SDHAF2: variants seen among roughly 807,000 people sequenced by gnomAD.
SDHAF2 encodes succinate dehydrogenase assembly factor 2, mitochondrial.
A neutral mutation model predicts 18.5 loss-of-function variants in SDHAF2; 21 were observed. The ratio of observed to expected loss-of-function variants is 1.13; its 90% CI spans 0.80 to 1.63. The LOEUF is 1.63. Among genes scored for constraint, SDHAF2 ranks in the 40% most tolerant of loss-of-function variants. SDHAF2 has a pLI of 0.00. For synonymous variants in SDHAF2, 84 were observed against 70.7 expected (o/e 1.19, Z -0.94); for missense variants, 195 against 200.3 (o/e 0.97, Z 0.16).
At chr11:61,433,775 T>A (rs1306708337) in intron 1 of SDHAF2, 1 of 152,250 alleles carries the variant, frequency 6.6e-6, no homozygotes. Flanking sequence ...AGAAATTAAT[T>A]TTCTCATAGT....
At chr11:61,437,973 C>T (rs368333259) in intron 2 of SDHAF2, 31 bp from the exon 3 acceptor site, 12 of 1,602,626 alleles carry the variant, frequency 7.5e-6, no homozygotes, top group African/African-American at 1.3e-5. Context: ...CCTTCTCAAC[C>T]TCTTTTTCTT....
Position 61,446,438 on chromosome 11 carries a change from G to C in SDHAF2, c.*367G>C, listed in dbSNP as rs976313802. On this transcript the variant is annotated 3_prime_UTR_variant, in exon 4 of 4. Coordinates refer to ENST00000301761, the MANE Select transcript of SDHAF2 (RefSeq NM_017841.4). ...TCAAAGAAAAGAGGCAGCCAGCTGT[G>C]CGTGCTGTATGGAAAGCCTCCCGCC... 1 of 570,422 alleles carries C rather than the reference G, an allele frequency of 1.8e-6. No individual in the cohort carries two copies. Among genetic ancestry groups the C allele is most frequent in the Non-Finnish European group, 3.1e-6 (1 of 322,794 alleles). 35.3% of individuals were successfully genotyped at this position (570,422 alleles called of 1,614,324 possible).
chr11:61,446,227 T>A lies in SDHAF2; in HGVS notation c.*156T>A. 1 of 777,442 alleles carries A rather than the reference T, an allele frequency of 1.3e-6. No homozygotes were observed. Among genetic ancestry groups the A allele is most frequent in the Non-Finnish European group, 2.2e-6 (1 of 446,706 alleles). The allele number at this position is 777,442 out of a possible 1,614,324, so 48.2% of individuals were successfully genotyped here. On this transcript the variant is annotated 3_prime_UTR_variant, in exon 4 of 4. Transcript: ENST00000301761. The stretch of plus-strand genomic sequence containing the variant: ...ATGGACATAACCCTCTCCTAGGACA[T>A]ACATGTAAATGCACAATGTGACTCA...
intron 3 of SDHAF2, among the ~76,000 whole-genome samples, chr11:61,442,661 A>G (rs778504285): frequency 5.3e-5 from 8 of 151,966 alleles, no homozygotes; most frequent in Non-Finnish European, 8.8e-5. Flanking sequence ...CCCTTCAGCT[A>G]TTTCTTCTGC....
chr11:61,436,967 G>A, intron 1 of SDHAF2: 1 of 1,242,896 alleles, frequency 8.0e-7, no homozygotes, highest in South Asian at 1.4e-5. Context: ...ACAGGTGAGT[G>A]AGTAGAGTAT....
At chr11:61,435,118 G>A (rs555962898) in intron 1 of SDHAF2, 1 of 152,190 alleles carries the variant, frequency 6.6e-6, no homozygotes, top group Non-Finnish European at 1.5e-5. Context: ...CTGAGCTCAA[G>A]CGATCCTCCA....
intron 1 of SDHAF2, chr11:61,435,717 T>A (rs1861983943): frequency 6.6e-6 from 1 of 152,222 alleles, no homozygotes; most frequent in Non-Finnish European, 1.5e-5. Context: ...CTGGAGCTGC[T>A]ACAAGTCTCC....
intron 1 of SDHAF2, 160 bp downstream of exon 1, chr11:61,430,342 G>A (rs1038846613): frequency 1.8e-5 from 15 of 844,482 alleles, no homozygotes; most frequent in African/African-American, 3.4e-5. Flanking sequence ...GGAAATAAAG[G>A]TCGCTTCCAT....
chr11:61,441,618 G>A (rs1014676746), intron 3 of SDHAF2, among the ~76,000 whole-genome samples: 9 of 152,042 alleles, frequency 5.9e-5, no homozygotes, highest in Non-Finnish European at 1.3e-4. Context: ...TCTGAAAAAG[G>A]CAAAACTTAC....
At position 61,437,642 on chromosome 11, in the gene SDHAF2, G is replaced by A. The variant is rs1590764725; in HGVS notation, c.54G>A (p.Arg18=). The change falls in exon 2 of 4, where the codon AGG becomes AGA. Residue 18 remains arginine (R), a synonymous_variant. Coordinates refer to ENST00000301761, the MANE Select transcript of SDHAF2 (RefSeq NM_017841.4). ...CATTTCAGATGCTTGCTCTGTCAAG[G>A]CACAGCCTATTGTCTCCTTTGCTCA... ...STSSLMLALS[R]HSLLSPLLSV... 1.2e-6 allele frequency: 2 copies of A among 1,613,898 alleles called. No individual in the cohort carries two copies. The highest frequency in any genetic ancestry group is 1.1e-5 in the South Asian group (1 of 91,076).
At chr11:61,435,642 T>G (rs1199899432) in intron 1 of SDHAF2, 1 of 152,190 alleles carries the variant, frequency 6.6e-6, no homozygotes, top group Non-Finnish European at 1.5e-5. Context: ...ATTTGCCGGT[T>G]TCCTTTTTCA....
intron 3 of SDHAF2, among the ~76,000 whole-genome samples, chr11:61,442,814 C>T (rs553132500): frequency 6.6e-6 from 1 of 152,116 alleles, no homozygotes; most frequent in Admixed American, 6.5e-5. Context: ...AGAGCAGTGG[C>T]GCAATCTTGG....
chr11:61,440,639 T>A (rs551704396), intron 3 of SDHAF2, among the ~76,000 whole-genome samples: 1 of 152,212 alleles, frequency 6.6e-6, no homozygotes, highest in African/African-American at 2.4e-5. Context: ...ATTTTTTCTG[T>A]AATAGGTAAA....
intron 1 of SDHAF2, chr11:61,432,984 A>T (rs1861950698): frequency 6.6e-6 from 1 of 151,718 alleles, no homozygotes; most frequent in Admixed American, 6.6e-5. Context: ...CTTACATACC[A>T]CAGTTACAGT....
At chr11:61,445,239 C>G (rs1862124252) in intron 3 of SDHAF2, among the ~76,000 whole-genome samples, 1 of 152,090 alleles carries the variant, frequency 6.6e-6, no homozygotes, top group Non-Finnish European at 1.5e-5. Flanking sequence ...ATAAGTGTCC[C>G]AAGGGTGTAG....
intron 1 of SDHAF2, chr11:61,434,101 C>T (rs1207640838): frequency 6.6e-6 from 1 of 152,196 alleles, no homozygotes; most frequent in East Asian, 1.9e-4. Context: ...GTATGGACTT[C>T]TTTGGGTTCA....
Position 61,438,334 on chromosome 11 carries a change from G to A in SDHAF2, c.370+221G>A, listed in dbSNP as rs910985504. 3 of 607,604 alleles carry A rather than the reference G, an allele frequency of 4.9e-6. No individual in the cohort carries two copies. In the African/African-American group the frequency reaches 5.6e-5, roughly 11 times the overall value. The allele number at this position is 607,604 out of a possible 1,614,324, so 37.6% of individuals were successfully genotyped here. ...CCAGCCTCAGCCTCCTGAGTACCTGGGATTACAGGCATGTGTCACCACACC... is the reference window on the plus strand; with the variant it reads ...CCAGCCTCAGCCTCCTGAGTACCTGAGATTACAGGCATGTGTCACCACACC... On this transcript the variant is annotated intron_variant, in intron 3 of 3. Transcript: ENST00000301761.
In SDHAF2 at chr11:61,446,544, C is replaced by G. The variant is rs1424045731; in HGVS notation, c.*473C>G. 6.4e-6 allele frequency: 3 copies of G among 467,860 alleles called. No individual in the cohort carries two copies. Among genetic ancestry groups the G allele is most frequent in the Non-Finnish European group, 1.1e-5 (3 of 266,890 alleles). 29.0% of individuals were successfully genotyped at this position (467,860 alleles called of 1,614,324 possible). ...CACTTCCAACCTGGTATGGCTCCTTCTGCGAAGGGAAGCTGATCCCAGCCT... is the reference window on the plus strand; with the variant it reads ...CACTTCCAACCTGGTATGGCTCCTTGTGCGAAGGGAAGCTGATCCCAGCCT... On this transcript the variant is annotated 3_prime_UTR_variant, in exon 4 of 4. Transcript: ENST00000301761.
In SDHAF2 at chr11:61,430,445, A is replaced by G. The variant is rs1590760166; in HGVS notation, c.36+263A>G. On this transcript the variant is annotated intron_variant, in intron 1 of 3. Coordinates refer to ENST00000301761, the MANE Select transcript of SDHAF2 (RefSeq NM_017841.4). ...CCAATTCGCCTCTCACCTACGTCCC[A>G]GGCGGGATTAGCCCAACTTCCCTGG... is the stretch of plus-strand genomic sequence containing the variant. The G allele has an allele frequency of 1.3e-5, 7 of 558,530 alleles. No homozygotes were observed. In the East Asian group the frequency reaches 2.1e-4, roughly 17 times the overall value. 34.6% of individuals were successfully genotyped at this position (558,530 alleles called of 1,614,324 possible).
Sources: gnomAD v4.1 joint callset for allele counts (sites outside exome capture counted in the v4.1 genomes callset) on GRCh38, gnomAD v4.1.1 for gene constraint, MANE v1.5 for transcripts, NCBI Gene and HGNC (gene_info 2026-07-23, HGNC 2026-07-21) for gene names.